Variants in ZNF385D observed in about 807,000 individuals in gnomAD.
ZNF385D encodes the protein zinc finger protein 385D, also known as zinc finger protein 659.
Under a neutral mutation model 35.8 loss-of-function variants are expected in ZNF385D, and 15 were observed. The ratio of observed to expected loss-of-function variants is 0.42; its 90% CI spans 0.28 to 0.64. The LOEUF (loss-of-function observed/expected upper bound fraction) is 0.64. Ranked by LOEUF, ZNF385D falls within the 30% of genes least tolerant of loss-of-function variation. The pLI, the probability that ZNF385D is intolerant of heterozygous loss-of-function variation, is 0.23. For missense variants in ZNF385D, 474 were observed against 494.6 expected (o/e 0.96, Z 0.39); for synonymous variants, 212 against 186.8 (o/e 1.13, Z -1.10).
intron 3 of ZNF385D, among the ~76,000 whole-genome samples, chr3:22,094,526 G>C (rs1484321750): frequency 6.6e-6 from 1 of 151,700 alleles, no homozygotes; most frequent in Non-Finnish European, 1.5e-5. Context: ...GGCAATCAGA[G>C]TAAGACATAG....
intron 3 of ZNF385D, among the ~76,000 whole-genome samples, chr3:22,005,484 A>C (rs1193226145): frequency 3.3e-5 from 5 of 152,122 alleles, no homozygotes; most frequent in Non-Finnish European, 7.4e-5. Flanking sequence ...AAATAGCTAT[A>C]AGAAAAGATT....
Position 21,708,562 on chromosome 3 carries a change from A to T in ZNF385D, c.22+42333T>A, listed in dbSNP as rs537234155. On this transcript the variant is annotated intron_variant, in intron 1 of 7. Transcript: ENST00000281523. ...CCTCACCCAAGTCCCAAAATGTGGA[A>T]ATAAATTTGAAATTACTCTATTACA... Among the ~76,000 whole-genome samples, 11 of 152,322 alleles carry T rather than the reference A, an allele frequency of 7.2e-5. No homozygotes were observed. The South Asian group carries it at 1.2e-3, about 17-fold the overall frequency.
intron 3 of ZNF385D, among the ~76,000 whole-genome samples, chr3:21,966,771 G>A (rs941287826): frequency 1.3e-5 from 2 of 152,136 alleles, no homozygotes; most frequent in East Asian, 1.9e-4. Context: ...TAGTAGAGAT[G>A]GAGTTTTGCC....
intron 4 of ZNF385D, among the ~76,000 whole-genome samples, chr3:21,494,035 A>G (rs1037367065): frequency 3.3e-5 from 5 of 151,950 alleles, no homozygotes; most frequent in Non-Finnish European, 7.4e-5. Context: ...CATCGTCTAG[A>G]TAGCATTACA....
chr3:21,857,333 A>T (rs1696777442), intron 3 of ZNF385D, among the ~76,000 whole-genome samples: 1 of 152,114 alleles, frequency 6.6e-6, no homozygotes, highest in Non-Finnish European at 1.5e-5. Context: ...TGTTTTGCTC[A>T]TAGTGTATCC....
intron 3 of ZNF385D, among the ~76,000 whole-genome samples, chr3:21,529,577 A>G (rs180803617): frequency 6.6e-6 from 1 of 152,202 alleles, no homozygotes; most frequent in African/African-American, 2.4e-5. Flanking sequence ...CGTAAATTTT[A>G]TCTATGGATC....
At chr3:22,002,127 A>G (rs946152404) in intron 3 of ZNF385D, among the ~76,000 whole-genome samples, 2 of 151,910 alleles carry the variant, frequency 1.3e-5, no homozygotes, top group African/African-American at 4.8e-5. Flanking sequence ...ACTTAAAAAA[A>G]AACACACACA....
chr3:21,609,380 CTA>C (rs2064599294), intron 2 of ZNF385D, among the ~76,000 whole-genome samples: 1 of 152,178 alleles, frequency 6.6e-6, no homozygotes, highest in African/African-American at 2.4e-5. Context: ...GTTCAGAAGT[CTA>C]GAGTCAATTT....
chr3:21,980,028 C>T (rs1339505318), intron 3 of ZNF385D, among the ~76,000 whole-genome samples: 2 of 152,110 alleles, frequency 1.3e-5, no homozygotes, highest in Admixed American at 6.6e-5. Context: ...CCATAAAAGG[C>T]ATTGTGATAT....
At chr3:21,422,886 G>A (rs1011159906) in intron 7 of ZNF385D, among the ~76,000 whole-genome samples, 1 of 152,050 alleles carries the variant, frequency 6.6e-6, no homozygotes, top group African/African-American at 2.4e-5. Context: ...ACATCATACT[G>A]TATGGGCAAA....
chr3:22,195,902 C>T (rs994986482), intron 2 of ZNF385D, among the ~76,000 whole-genome samples: 1 of 151,964 alleles, frequency 6.6e-6, no homozygotes, highest in Admixed American at 6.6e-5. Context: ...GAGTATCATC[C>T]TTAGCAAACT....
chr3:22,084,105 C>G (rs1700903753), intron 3 of ZNF385D, among the ~76,000 whole-genome samples: 1 of 152,176 alleles, frequency 6.6e-6, no homozygotes, highest in Non-Finnish European at 1.5e-5. Context: ...AAAGGAACAA[C>G]CAGTACCAGC....
intron 2 of ZNF385D, among the ~76,000 whole-genome samples, chr3:22,319,808 G>T (rs1296196452): frequency 1.3e-5 from 2 of 152,054 alleles, no homozygotes; most frequent in African/African-American, 2.4e-5. Context: ...CCTTAATTTG[G>T]GCTGAAAGGG....
chr3:21,911,643 T>G (rs757090612), intron 3 of ZNF385D, among the ~76,000 whole-genome samples: 7 of 151,874 alleles, frequency 4.6e-5, no homozygotes, highest in Non-Finnish European at 1.0e-4. Context: ...TGAGAAATAG[T>G]AGCTATATTG....
intron 3 of ZNF385D, among the ~76,000 whole-genome samples, chr3:22,014,401 C>A (rs1372603933): frequency 6.6e-6 from 1 of 152,052 alleles, no homozygotes; most frequent in East Asian, 1.9e-4. Context: ...GATAACAATC[C>A]TACAAGATGC....
intron 3 of ZNF385D, among the ~76,000 whole-genome samples, chr3:21,798,804 A>C (rs10780012): frequency 6.6e-6 from 1 of 152,066 alleles, no homozygotes; most frequent in East Asian, 1.9e-4. Flanking sequence ...ACTTTATTTT[A>C]TAAAGTAAAA....
chr3:21,553,469 A>C (rs1425463063), intron 3 of ZNF385D, among the ~76,000 whole-genome samples: 1 of 152,200 alleles, frequency 6.6e-6, no homozygotes, highest in Non-Finnish European at 1.5e-5. Flanking sequence ...ACCTTCAGCA[A>C]GACATAATGT....
chr3:21,718,778 A>G (rs2068424312), intron 1 of ZNF385D, among the ~76,000 whole-genome samples: 1 of 152,344 alleles, frequency 6.6e-6, no homozygotes, highest in South Asian at 2.1e-4. Context: ...CTCAACCTGA[A>G]TGGAGAATGT....
intron 2 of ZNF385D, among the ~76,000 whole-genome samples, chr3:21,592,719 G>C (rs1184825646): frequency 1.3e-5 from 2 of 152,128 alleles, no homozygotes; most frequent in Non-Finnish European, 2.9e-5. Flanking sequence ...TCTGTTTTAG[G>C]AATTTGAATC....
Sources: gnomAD v4.1 joint callset for allele counts (sites outside exome capture counted in the v4.1 genomes callset) on GRCh38, gnomAD v4.1.1 for gene constraint, MANE v1.5 for transcripts, NCBI Gene and HGNC (gene_info 2026-07-23, HGNC 2026-07-21) for gene names.